The following STX2 variants were observed in gnomAD, a reference collection of about 807,000 sequenced individuals.
STX2 encodes the protein syntaxin 2.
In STX2, 27 loss-of-function variants were observed where a neutral mutation model predicts 40.6. That is an observed-to-expected ratio of 0.66 (90% CI 0.49 to 0.92). The LOEUF is 0.92. Ranked by LOEUF, STX2 falls within the 40% of genes least tolerant of loss-of-function variation. The pLI, the probability that STX2 is intolerant of heterozygous loss-of-function variation, is 0.00. For synonymous variants in STX2, 123 were observed against 119.1 expected, an observed-to-expected ratio of 1.03 and a Z score of -0.22; for missense variants, 328 against 366.1, an observed-to-expected ratio of 0.90 and a Z score of 0.85.
At chr12:130,827,059 A>AAGGAAGGG (rs1952341491) in intron 2 of STX2, 134 bp downstream of exon 2, 1 of 564,000 alleles carries the variant, frequency 1.8e-6, no homozygotes, top group Non-Finnish European at 3.1e-6. Context: ...GGGAGGAAGA[A>AAGGAAGGG]AGGAAGGGAG....
At chr12:130,818,185 A>AAATATATATATATATATATATATATAT in intron 3 of STX2, among the ~76,000 whole-genome samples, 1 of 70,544 alleles carries the variant, frequency 1.4e-5, no homozygotes, top group Non-Finnish European at 2.3e-5. Context: ...AAAAAAAAAA[A>AAATATATATATATATATATATATATAT]ATATATATAT....
chr12:130,820,888 C>A (rs1412314842), intron 3 of STX2, among the ~76,000 whole-genome samples: 1 of 152,150 alleles, frequency 6.6e-6, no homozygotes, highest in African/African-American at 2.4e-5. Context: ...TAACTCCCCC[C>A]ACCATGATGT....
chr12:130,795,672 C>T (rs1234524891), intron 10 of STX2, among the ~76,000 whole-genome samples: 2 of 152,124 alleles, frequency 1.3e-5, no homozygotes, highest in Non-Finnish European at 2.9e-5. Flanking sequence ...CCCAGGAGGT[C>T]GAGGCTGCAG....
At position 130,832,581 on chromosome 12, in the gene STX2, CCCA is replaced by C. The variant is rs140552899; in HGVS notation, c.31-5317_31-5315del. 7.8e-3 allele frequency among the ~76,000 whole-genome samples: 1,189 copies of C among 152,306 alleles called. 20 individuals carry two copies. The highest frequency in any genetic ancestry group is 0.027 in the African/African-American group (1,114 of 41,558). ...CAGGCTAATCTTGAGCTACCAAGGG[CCCA>C]CCACATGATCTCGCCCCAGGAATGA... On this transcript the variant is annotated intron_variant, in intron 1 of 10. Transcript: ENST00000392373.
chr12:130,799,468 G>A (rs968949154), intron 8 of STX2, among the ~76,000 whole-genome samples: 1 of 152,104 alleles, frequency 6.6e-6, no homozygotes, highest in Non-Finnish European at 1.5e-5. Context: ...ATCATCTCTC[G>A]TTCTTTCTGT....
chr12:130,810,853 G>C (rs1358539442), intron 4 of STX2: 1 of 152,212 alleles, frequency 6.6e-6, no homozygotes, highest in Admixed American at 6.5e-5. Flanking sequence ...CTGTGACCCA[G>C]AATGTGCTTT....
chr12:130,821,604 G>A (rs1952116882), intron 3 of STX2, 85 bp downstream of exon 3: 2 of 1,101,780 alleles, frequency 1.8e-6, no homozygotes, highest in South Asian at 2.7e-5. Context: ...AATCTCCCGT[G>A]AGGCCAGAGT....
chr12:130,807,389 A>T (rs962235087), intron 5 of STX2, among the ~76,000 whole-genome samples: 11 of 152,138 alleles, frequency 7.2e-5, no homozygotes, highest in Admixed American at 5.2e-4. Context: ...CAGCACTGGG[A>T]CCCAGGCAGG....
rs77030686 is a variant in STX2, at chr12:130,833,540, A to T, written c.30+5530T>A. Among the ~76,000 whole-genome samples, 226 of 151,648 alleles carry T rather than the reference A, an allele frequency of 1.5e-3. 5 individuals are homozygous for T. In the East Asian group the frequency reaches 0.034, roughly 23 times the overall value. ...ATTCTCTCACCTCAGCTTCCCAAAT[A>T]GCAGAGATTACAGGCACCTACCACC... is the stretch of plus-strand genomic sequence containing the variant. On this transcript the variant is annotated intron_variant, in intron 1 of 10. Transcript: ENST00000392373.
chr12:130,793,461 G>A (rs1453897727), intron 10 of STX2, among the ~76,000 whole-genome samples: 2 of 150,282 alleles, frequency 1.3e-5, no homozygotes, highest in Non-Finnish European at 1.5e-5. Flanking sequence ...TCCACGCAGC[G>A]TGCTCTCATC....
At chr12:130,826,504 C>A (rs1238354179) in intron 2 of STX2, among the ~76,000 whole-genome samples, 1 of 152,194 alleles carries the variant, frequency 6.6e-6, no homozygotes. Context: ...CACGCGGAGG[C>A]CACGTGCACA....
rs1219577845 is a variant in STX2, at chr12:130,807,084, C to T, written c.361G>A (p.Val121Met). The change falls in exon 6 of 11, where the codon GTG (valine) becomes ATG (methionine). Residue 121 changes from valine (V) to methionine (M), a missense_variant. Coordinates refer to ENST00000392373, the MANE Select transcript of STX2 (RefSeq NM_194356.4). ...GCTTCCACAAACTTCCGAGACAGCA[C>T]CGAATGCTAACAACACAGGAAAACT... ...DLRIRRTQHSVLSRKFVEAMA... is the reference protein window; with the variant it reads ...DLRIRRTQHSMLSRKFVEAMA... 1.2e-6 allele frequency: 2 copies of T among 1,614,146 alleles called. No homozygotes were observed. The highest frequency in any genetic ancestry group is 1.7e-6 in the Non-Finnish European group (2 of 1,179,994).
intron 1 of STX2, among the ~76,000 whole-genome samples, chr12:130,830,410 T>C (rs533312030): frequency 1.6e-4 from 24 of 152,086 alleles, no homozygotes; most frequent in Non-Finnish European, 2.9e-4. Flanking sequence ...TGCTGCGCGA[T>C]GCACCCCCCA....
At chr12:130,808,523 T>C (rs374640776) in intron 5 of STX2, 108 bp downstream of exon 5, 7 of 963,702 alleles carry the variant, frequency 7.3e-6, no homozygotes, top group Non-Finnish European at 6.3e-6. Context: ...AGAAATACTA[T>C]GAGGATAAGC....
At chr12:130,803,491 A>G (rs1293439676) in intron 6 of STX2, among the ~76,000 whole-genome samples, 2 of 152,058 alleles carry the variant, frequency 1.3e-5, no homozygotes, top group East Asian at 3.9e-4. Flanking sequence ...CAACATAGTG[A>G]AAACCTCGTC....
chr12:130,803,884 C>A (rs934173770), intron 6 of STX2, among the ~76,000 whole-genome samples: 3 of 152,044 alleles, frequency 2.0e-5, no homozygotes, highest in Non-Finnish European at 4.4e-5. Context: ...ATTCAATGAG[C>A]GGCAAAATCT....
At chr12:130,797,047 T>G (rs1312840039) in intron 9 of STX2, among the ~76,000 whole-genome samples, 1 of 152,108 alleles carries the variant, frequency 6.6e-6, no homozygotes, top group Non-Finnish European at 1.5e-5. Context: ...TTAGCAGGCA[T>G]CTCATCAAAA....
At chr12:130,794,965 C>G (rs1950984685) in intron 10 of STX2, among the ~76,000 whole-genome samples, 2 of 152,190 alleles carry the variant, frequency 1.3e-5, no homozygotes, top group African/African-American at 4.8e-5. Flanking sequence ...CTGTAACACA[C>G]CGACAGCATT....
chr12:130,810,756 T>C (rs372848336), intron 4 of STX2: 1 of 152,246 alleles, frequency 6.6e-6, no homozygotes. Context: ...TCCCTGGTCA[T>C]CTCTGGAGGA....
Sources: gnomAD v4.1 joint callset for allele counts (sites outside exome capture counted in the v4.1 genomes callset) on GRCh38, gnomAD v4.1.1 for gene constraint, MANE v1.5 for transcripts, NCBI Gene and HGNC (gene_info 2026-07-23, HGNC 2026-07-21) for gene names.